Variants in PLCL1 observed in about 807,000 individuals in gnomAD.
PLCL1 encodes inactive phospholipase C-like protein 1.
A neutral mutation model predicts 84.4 loss-of-function variants in PLCL1; 41 were observed. The ratio of observed to expected loss-of-function variants is 0.49; its 90% CI spans 0.38 to 0.63. PLCL1 has a LOEUF of 0.63. PLCL1 is among the 30% of genes least tolerant of loss of function. The probability of loss-of-function intolerance (pLI) is 0.00; values close to 1 mark genes in which losing one functional copy is unlikely to be tolerated. For missense variants in PLCL1, 1,206 were observed against 1,367.8 expected (o/e 0.88, Z 1.87); for synonymous variants, 490 against 488.3 (o/e 1.00, Z -0.05).
chr2:197,916,962 T>G (rs542829159), intron 1 of PLCL1, among the ~76,000 whole-genome samples: 7 of 152,172 alleles, frequency 4.6e-5, no homozygotes, highest in Non-Finnish European at 8.8e-5. Context: ...AAGAAACCAC[T>G]GTACACCTAT....
intron 1 of PLCL1, among the ~76,000 whole-genome samples, chr2:197,986,718 CTT>C (rs1297365836): frequency 6.6e-6 from 1 of 152,144 alleles, no homozygotes; most frequent in Non-Finnish European, 1.5e-5. Flanking sequence ...TCTGAGAAGT[CTT>C]TCATTTTTCA....
intron 3 of PLCL1, among the ~76,000 whole-genome samples, chr2:198,092,461 A>G (rs1284096094): frequency 1.3e-5 from 2 of 152,206 alleles, no homozygotes; most frequent in Admixed American, 6.5e-5. Flanking sequence ...CACCTCAAAC[A>G]TTTATTTCTT....
At chr2:198,040,348 G>C (rs934727422) in intron 1 of PLCL1, among the ~76,000 whole-genome samples, 1 of 152,118 alleles carries the variant, frequency 6.6e-6, no homozygotes, top group African/African-American at 2.4e-5. Flanking sequence ...TTTTTTTGAG[G>C]TTGCAGCCAT....
chr2:198,031,617 A>T, intron 1 of PLCL1, among the ~76,000 whole-genome samples: 1 of 145,170 alleles, frequency 6.9e-6, no homozygotes, highest in East Asian at 2.0e-4. Context: ...TAGCTTCCCC[A>T]GTGCTGAGGT....
intron 1 of PLCL1, among the ~76,000 whole-genome samples, chr2:197,883,571 T>A (rs1179982576): frequency 6.6e-6 from 1 of 152,194 alleles, no homozygotes; most frequent in Non-Finnish European, 1.5e-5. Flanking sequence ...GGTTGGAGTA[T>A]GTATTATACT....
intron 1 of PLCL1, among the ~76,000 whole-genome samples, chr2:198,000,587 C>T (rs1400493920): frequency 6.6e-6 from 1 of 151,964 alleles, no homozygotes; most frequent in Non-Finnish European, 1.5e-5. Flanking sequence ...TCATGTGGGC[C>T]TACTATATTA....
chr2:198,011,888 T>G (rs1690876563), intron 1 of PLCL1, among the ~76,000 whole-genome samples: 1 of 152,124 alleles, frequency 6.6e-6, no homozygotes, highest in Non-Finnish European at 1.5e-5. Flanking sequence ...ACAATTTTTG[T>G]CCTAATGTCT....
intron 1 of PLCL1, chr2:198,001,852 G>A (rs933178977): frequency 2.0e-5 from 4 of 197,980 alleles, no homozygotes; most frequent in Admixed American, 5.0e-5. Context: ...ATAGGAGCGC[G>A]AAACCCTATT....
Position 198,113,402 on chromosome 2 carries a change from T to C in PLCL1, c.3105+9466T>C, listed in dbSNP as rs369758271. On this transcript the variant is annotated intron_variant, in intron 5 of 5. Coordinates refer to ENST00000428675, the MANE Select transcript of PLCL1 (RefSeq NM_006226.4). ...GGCTTTGTGCTTGGGAATGTACTGG[T>C]GAATAAAAATGTGGCCTTCTGGTCT... Among the ~76,000 whole-genome samples, 183 of 152,022 alleles carry C rather than the reference T, an allele frequency of 1.2e-3. 4 individuals carry two copies. In the South Asian group the frequency reaches 0.037, roughly 31 times the overall value.
intron 1 of PLCL1, among the ~76,000 whole-genome samples, chr2:197,998,811 T>C (rs557306356): frequency 3.3e-5 from 5 of 152,272 alleles, no homozygotes; most frequent in Admixed American, 3.3e-4. Flanking sequence ...TCCTTACTTC[T>C]ATGTCTTCAC....
At chr2:197,979,993 C>T (rs1157233470) in intron 1 of PLCL1, among the ~76,000 whole-genome samples, 1 of 152,070 alleles carries the variant, frequency 6.6e-6, no homozygotes, top group Non-Finnish European at 1.5e-5. Flanking sequence ...CTGTAAGGGG[C>T]TGTATAGGGA....
chr2:197,853,063 CTG>C (rs1574913443), intron 1 of PLCL1, among the ~76,000 whole-genome samples: 1 of 152,126 alleles, frequency 6.6e-6, no homozygotes, highest in African/African-American at 2.4e-5. Context: ...ATTCTGCTTT[CTG>C]TCTTTATGAA....
At chr2:198,126,457 A>G (rs1308868797) in intron 5 of PLCL1, among the ~76,000 whole-genome samples, 1 of 152,086 alleles carries the variant, frequency 6.6e-6, no homozygotes, top group African/African-American at 2.4e-5. Flanking sequence ...AAAGAGTGAG[A>G]GGTCACATGA....
intron 5 of PLCL1, among the ~76,000 whole-genome samples, chr2:198,121,662 G>A (rs556394434): frequency 2.0e-5 from 3 of 151,810 alleles, no homozygotes; most frequent in Admixed American, 6.6e-5. Flanking sequence ...TCCATTGGTC[G>A]ATATGTCTGT....
chr2:197,819,214 G>T (rs919693669), intron 1 of PLCL1, among the ~76,000 whole-genome samples: 1 of 152,112 alleles, frequency 6.6e-6, no homozygotes, highest in Admixed American at 6.6e-5. Context: ...TAGAAAGGAA[G>T]TGTAGCAGGG....
intron 1 of PLCL1, among the ~76,000 whole-genome samples, chr2:197,828,709 A>C (rs778392521): frequency 4.6e-5 from 7 of 152,202 alleles, no homozygotes; most frequent in Non-Finnish European, 8.8e-5. Context: ...GTATACATAA[A>C]TCCATAATCG....
chr2:198,034,905 A>G (rs958519385), intron 1 of PLCL1, among the ~76,000 whole-genome samples: 9 of 152,164 alleles, frequency 5.9e-5, no homozygotes, highest in African/African-American at 2.2e-4. Flanking sequence ...ATTTTGGGTT[A>G]ATCTGATGTT....
At chr2:197,956,160 T>C (rs2105785863) in intron 1 of PLCL1, among the ~76,000 whole-genome samples, 1 of 152,338 alleles carries the variant, frequency 6.6e-6, no homozygotes, top group South Asian at 2.1e-4. Flanking sequence ...TCATTCTTTT[T>C]TATGGCTGCA....
intron 1 of PLCL1, among the ~76,000 whole-genome samples, chr2:197,946,434 G>A (rs748708289): frequency 2.0e-5 from 3 of 152,130 alleles, no homozygotes; most frequent in South Asian, 2.1e-4. Context: ...ACAAGAACAG[G>A]CTGTTTACAG....
Sources: gnomAD v4.1 joint callset for allele counts (sites outside exome capture counted in the v4.1 genomes callset) on GRCh38, gnomAD v4.1.1 for gene constraint, MANE v1.5 for transcripts, NCBI Gene and HGNC (gene_info 2026-07-23, HGNC 2026-07-21) for gene names.